Variants in PDE3B observed in about 807,000 individuals in gnomAD.
PDE3B encodes the protein cGMP-inhibited 3',5'-cyclic phosphodiesterase 3B.
In PDE3B, 66 loss-of-function variants were observed where a neutral mutation model predicts 116.8. That is an observed-to-expected ratio of 0.56 (90% CI 0.46 to 0.69). PDE3B has a LOEUF of 0.69. PDE3B is among the 30% of genes least tolerant of loss of function. PDE3B has a pLI of 0.00. For missense variants in PDE3B, 1,384 were observed against 1,368.1 expected, an observed-to-expected ratio of 1.01 and a Z score of -0.18; for synonymous variants, 595 against 533.6, an observed-to-expected ratio of 1.12 and a Z score of -1.59.
chr11:14,661,231 G>A (rs1337150777), intron 1 of PDE3B, among the ~76,000 whole-genome samples: 8 of 152,220 alleles, frequency 5.3e-5, no homozygotes, highest in African/African-American at 1.9e-4. Context: ...TATGTTTATT[G>A]TGGCAGTATT....
intron 1 of PDE3B, among the ~76,000 whole-genome samples, chr11:14,725,891 A>G (rs946150291): frequency 6.6e-5 from 10 of 151,890 alleles, no homozygotes; most frequent in Non-Finnish European, 1.3e-4. Flanking sequence ...CTTTGATCAT[A>G]TGCTCCAGTT....
At chr11:14,666,193 T>C (rs1854139470) in intron 1 of PDE3B, among the ~76,000 whole-genome samples, 1 of 148,890 alleles carries the variant, frequency 6.7e-6, no homozygotes, top group African/African-American at 2.5e-5. Flanking sequence ...AAGGATTCCC[T>C]ATTTAATAAA....
At chr11:14,660,518 G>C (rs1252289876) in intron 1 of PDE3B, among the ~76,000 whole-genome samples, 1 of 151,722 alleles carries the variant, frequency 6.6e-6, no homozygotes, top group Non-Finnish European at 1.5e-5. Context: ...TGCCCACGCT[G>C]GTCTTGAACT....
At chr11:14,855,094 A>G (rs2133986017) in intron 12 of PDE3B, among the ~76,000 whole-genome samples, 1 of 152,330 alleles carries the variant, frequency 6.6e-6, no homozygotes, top group African/African-American at 2.4e-5. Flanking sequence ...TAAAAATTCA[A>G]TATAAGCATT....
At chr11:14,747,060 A>T (rs992171408) in intron 1 of PDE3B, among the ~76,000 whole-genome samples, 8 of 152,184 alleles carry the variant, frequency 5.3e-5, no homozygotes, top group African/African-American at 1.2e-4. Context: ...AAGGCGGAGG[A>T]GGTGTGTCAT....
rs1848109098 is a variant in PDE3B, at chr11:14,869,593, T to G, written c.3272T>G (p.Val1091Gly). 5.0e-6 allele frequency: 8 copies of G among 1,613,622 alleles called. No homozygotes were observed. Among genetic ancestry groups the G allele is most frequent in the Middle Eastern group, 1.6e-4 (1 of 6,082 alleles). Residue 1091 changes from valine to glycine, a missense_variant, in exon 16 of 16, where the codon GTG becomes GGG. Val to Gly is a moderately radical substitution (Grantham distance 109). Around this residue, in one of 2 missense-constraint regions of PDE3B, gnomAD observed 428 missense variants for 561.4 expected, o/e 0.76. Coordinates refer to ENST00000282096, the MANE Select transcript of PDE3B (RefSeq NM_000922.4). ...KCKADGNKLQ[V>G]ENSSLPQADE... ...AAAGCTGATGGGAATAAACTGCAGG[T>G]GGAGAATTCCTCCTTACCTCAAGCA...
intron 1 of PDE3B, among the ~76,000 whole-genome samples, chr11:14,741,226 G>T (rs1011174753): frequency 1.3e-5 from 2 of 152,014 alleles, no homozygotes; most frequent in African/African-American, 4.8e-5. Flanking sequence ...CTATTACTGT[G>T]TCGGAGTCTA....
At chr11:14,802,378 C>T (rs2133933169) in intron 4 of PDE3B, among the ~76,000 whole-genome samples, 1 of 152,300 alleles carries the variant, frequency 6.6e-6, no homozygotes, top group Middle Eastern at 3.4e-3. Flanking sequence ...CACAGTTCCT[C>T]ACAGCTTGCC....
chr11:14,752,765 T>C (rs1796172007), intron 1 of PDE3B, among the ~76,000 whole-genome samples: 1 of 152,176 alleles, frequency 6.6e-6, no homozygotes, highest in African/African-American at 2.4e-5. Context: ...GTATTACTTG[T>C]CTTTGTACAA....
chr11:14,785,799 T>C (rs929816437), intron 2 of PDE3B, among the ~76,000 whole-genome samples: 5 of 152,052 alleles, frequency 3.3e-5, no homozygotes, highest in African/African-American at 1.2e-4. Flanking sequence ...AAGTTATCGC[T>C]ATCTCTTTTG....
chr11:14,790,245 A>C (rs934304687), intron 4 of PDE3B, among the ~76,000 whole-genome samples: 1 of 151,964 alleles, frequency 6.6e-6, no homozygotes, highest in East Asian at 1.9e-4. Context: ...GTGATGTCTA[A>C]AACAGGAATG....
At chr11:14,778,946 A>C (rs1857881011) in intron 2 of PDE3B, among the ~76,000 whole-genome samples, 1 of 152,186 alleles carries the variant, frequency 6.6e-6, no homozygotes, top group Non-Finnish European at 1.5e-5. Flanking sequence ...ACGAATGGCT[A>C]ACTAAAATAA....
chr11:14,791,154 C>T (rs768566107), intron 4 of PDE3B, among the ~76,000 whole-genome samples: 3 of 152,120 alleles, frequency 2.0e-5, no homozygotes, highest in South Asian at 2.1e-4. Context: ...ATCTTTAATG[C>T]GTAGTGATGT....
At chr11:14,897,877 C>G in the PDE3B span, among the ~76,000 whole-genome samples, 1 of 152,286 alleles carries the variant, frequency 6.6e-6, no homozygotes, top group African/African-American at 2.4e-5. Context: ...GTGAGCCCCT[C>G]CAGTTTATGC....
intron 1 of PDE3B, among the ~76,000 whole-genome samples, chr11:14,691,483 A>T (rs1428546758): frequency 6.6e-6 from 1 of 152,216 alleles, no homozygotes; most frequent in African/African-American, 2.4e-5. Context: ...AAAATACATG[A>T]AATAATCTTA....
chr11:14,734,473 A>G (rs561371330), intron 1 of PDE3B, among the ~76,000 whole-genome samples: 2 of 152,268 alleles, frequency 1.3e-5, no homozygotes, highest in Admixed American at 6.5e-5. Flanking sequence ...CAGTAGTGAC[A>G]CTTTTTCTTT....
chr11:14,786,589 T>C lies in PDE3B; in HGVS notation c.1182T>C (p.Cys394=). ...SSLMGAFSGS[C]RPKINPLTPF... The stretch of plus-strand genomic sequence containing the variant: ...TAATGGGTGCTTTCTCAGGTTCCTG[T>C]AGGCCAAAGATTAATCCTCTCACAC... The change falls in exon 3 of 16, where the codon TGT becomes TGC. Residue 394 remains cysteine, a synonymous_variant. Coordinates refer to ENST00000282096, the MANE Select transcript of PDE3B (RefSeq NM_000922.4). 2 of 1,613,032 alleles carry C rather than the reference T, an allele frequency of 1.2e-6. No individual in the cohort carries two copies. Among genetic ancestry groups the C allele is most frequent in the East Asian group, 2.2e-5 (1 of 44,842 alleles).
chr11:14,886,670 G>C, the PDE3B span: 18 of 152,224 alleles, frequency 1.2e-4, no homozygotes, highest in Non-Finnish European at 2.4e-4. Context: ...TAAGAGGCCA[G>C]TCAGTGAGAG....
chr11:14,819,544 A>C (rs1354551474), intron 7 of PDE3B, among the ~76,000 whole-genome samples: 1 of 152,186 alleles, frequency 6.6e-6, no homozygotes, highest in Admixed American at 6.5e-5. Context: ...TTATGGCATA[A>C]AGAGGGGTTG....
Sources: gnomAD v4.1 joint callset for allele counts (sites outside exome capture counted in the v4.1 genomes callset) on GRCh38, gnomAD v4.1.1 for gene constraint, gnomAD v4.1.1 regional missense constraint, MANE v1.5 for transcripts, NCBI Gene and HGNC (gene_info 2026-07-23, HGNC 2026-07-21) for gene names.